Variants in RBFOX1 observed in about 807,000 individuals in gnomAD.
RBFOX1 encodes the protein RNA binding fox-1 homolog 1.
In RBFOX1, 8 loss-of-function variants were observed where a neutral mutation model predicts 57.7. The ratio of observed to expected loss-of-function variants is 0.14; its 90% CI spans 0.08 to 0.25. The LOEUF is 0.25. Among genes scored for constraint, RBFOX1 ranks in the 10% least tolerant of loss-of-function variants. RBFOX1 has a pLI of 1.00. For missense variants in RBFOX1, 611 were observed against 548.5 expected (o/e 1.11, Z -1.14); for synonymous variants, 326 against 222.4 (o/e 1.47, Z -4.15).
At chr16:6,299,028 C>G (rs2078473960) in intron 1 of RBFOX1, among the ~76,000 whole-genome samples, 1 of 152,184 alleles carries the variant, frequency 6.6e-6, no homozygotes, top group African/African-American at 2.4e-5. Flanking sequence ...CTGCCCTTGT[C>G]TCTGATACTT....
chr16:6,220,374 C>T (rs998530539), intron 1 of RBFOX1, among the ~76,000 whole-genome samples: 3 of 152,170 alleles, frequency 2.0e-5, no homozygotes, highest in African/African-American at 7.2e-5. Context: ...TCCTTTAACA[C>T]AACCTGTTGG....
At chr16:6,960,737 A>T (rs571155046) in intron 3 of RBFOX1, among the ~76,000 whole-genome samples, 280 of 152,100 alleles carry the variant, frequency 1.8e-3, no homozygotes, top group Non-Finnish European at 2.8e-3. Flanking sequence ...TCACCACTGC[A>T]AGAGGGTACA....
intron 4 of RBFOX1, among the ~76,000 whole-genome samples, chr16:5,955,491 C>G (rs76408239): frequency 0.023 from 3,566 of 152,056 alleles, 137 homozygotes; most frequent in African/African-American, 0.082. Flanking sequence ...AGACATAGGA[C>G]ATAACCTTCT....
chr16:6,771,984 G>A (rs943299957), intron 3 of RBFOX1, among the ~76,000 whole-genome samples: 15 of 152,110 alleles, frequency 9.9e-5, no homozygotes, highest in Non-Finnish European at 1.2e-4. Flanking sequence ...TAATTGAAAC[G>A]GAAAGACTCC....
rs192261969 is a variant in RBFOX1, at chr16:6,421,409, C to T, written c.-64+104352C>T. On this transcript the variant is annotated intron_variant, in intron 2 of 15. Coordinates refer to ENST00000550418, the MANE Select transcript of RBFOX1 (RefSeq NM_018723.4). ...AACGTTTGCACATCTGAGGACCACG[C>T]GATTTTATTCAAGGAAGTTCTACCT... Among the ~76,000 whole-genome samples the T allele has an allele frequency of 9.9e-5, 15 of 152,196 alleles. No individual in the cohort carries two copies. In the East Asian group the frequency reaches 2.1e-3, roughly 22 times the overall value.
chr16:5,382,282 C>T (rs1240353839), intron 1 of RBFOX1, among the ~76,000 whole-genome samples: 1 of 152,142 alleles, frequency 6.6e-6, no homozygotes, highest in Non-Finnish European at 1.5e-5. Flanking sequence ...TCAAATAGTT[C>T]CAATTCAGCT....
chr16:7,352,480 G>C (rs1448311173), intron 4 of RBFOX1, among the ~76,000 whole-genome samples: 4 of 152,142 alleles, frequency 2.6e-5, no homozygotes, highest in Non-Finnish European at 4.4e-5. Context: ...GGGTGGGTAA[G>C]AATCTGTCAC....
intron 3 of RBFOX1, among the ~76,000 whole-genome samples, chr16:6,706,388 T>C (rs905224323): frequency 3.9e-5 from 6 of 152,188 alleles, no homozygotes; most frequent in African/African-American, 1.4e-4. Context: ...TTAATAGGTG[T>C]CTCTTGGGGA....
chr16:7,373,192 C>G (rs559824226), intron 4 of RBFOX1, among the ~76,000 whole-genome samples: 12 of 152,124 alleles, frequency 7.9e-5, no homozygotes, highest in Non-Finnish European at 1.2e-4. Flanking sequence ...CTTGGCCTCC[C>G]AAAGTGCTGG....
chr16:6,221,061 C>T (rs2097370128), intron 1 of RBFOX1, among the ~76,000 whole-genome samples: 1 of 151,836 alleles, frequency 6.6e-6, no homozygotes, highest in South Asian at 2.1e-4. Context: ...AAATAATGCC[C>T]CAACGGGTAA....
chr16:6,591,292 A>G (rs1342832445), intron 2 of RBFOX1, among the ~76,000 whole-genome samples: 3 of 152,070 alleles, frequency 2.0e-5, no homozygotes, highest in East Asian at 1.9e-4. Flanking sequence ...CTAAAAATAT[A>G]TATTTTTTAA....
At chr16:6,040,083 G>A (rs1239261733) in intron 1 of RBFOX1, among the ~76,000 whole-genome samples, 1 of 152,182 alleles carries the variant, frequency 6.6e-6, no homozygotes, top group African/African-American at 2.4e-5. Context: ...TCAGTGTGGT[G>A]TATTTGTTAC....
intron 3 of RBFOX1, among the ~76,000 whole-genome samples, chr16:6,707,282 T>C (rs1397597315): frequency 6.6e-6 from 1 of 152,192 alleles, no homozygotes; most frequent in Non-Finnish European, 1.5e-5. Flanking sequence ...ATCTGTGTTC[T>C]GAAAGTGAGG....
intron 4 of RBFOX1, among the ~76,000 whole-genome samples, chr16:7,342,633 C>G (rs1197742810): frequency 6.6e-6 from 1 of 152,132 alleles, no homozygotes; most frequent in Admixed American, 6.5e-5. Flanking sequence ...TCCTGGTGAG[C>G]AAGGACACAT....
chr16:5,519,118 T>C (rs1387651120), intron 2 of RBFOX1, among the ~76,000 whole-genome samples: 1 of 152,192 alleles, frequency 6.6e-6, no homozygotes, highest in Non-Finnish European at 1.5e-5. Flanking sequence ...GACATCTTGA[T>C]CTCAAACTCC....
At chr16:5,988,879 A>G (rs1170761065) in intron 4 of RBFOX1, among the ~76,000 whole-genome samples, 1 of 152,162 alleles carries the variant, frequency 6.6e-6, no homozygotes, top group Admixed American at 6.5e-5. Context: ...GTAGGAAAGT[A>G]TATGCAGTGC....
intron 14 of RBFOX1, among the ~76,000 whole-genome samples, chr16:7,703,042 G>C (rs951159538): frequency 1.1e-4 from 17 of 152,146 alleles, no homozygotes; most frequent in Non-Finnish European, 2.2e-4. Context: ...CCCTATACAG[G>C]GAAGTGAAAG....
At chr16:5,442,144 G>A (rs1471401644) in intron 1 of RBFOX1, among the ~76,000 whole-genome samples, 4 of 152,220 alleles carry the variant, frequency 2.6e-5, no homozygotes, top group Admixed American at 2.0e-4. Flanking sequence ...CTCAGACCAA[G>A]AAAACTTCCT....
At chr16:6,706,908 G>A (rs944557454) in intron 3 of RBFOX1, among the ~76,000 whole-genome samples, 1 of 151,834 alleles carries the variant, frequency 6.6e-6, no homozygotes, top group African/African-American at 2.4e-5. Context: ...TTGCAATATT[G>A]CTAGTTGTTT....
Sources: allele counts gnomAD v4.1 joint callset (sites outside exome capture counted in the v4.1 genomes callset), GRCh38; gene constraint gnomAD v4.1.1; transcripts MANE v1.5; gene names NCBI Gene and HGNC (gene_info 2026-07-23, HGNC 2026-07-21).